GJC1: variants seen among roughly 807,000 people sequenced by gnomAD.
GJC1 encodes gap junction protein gamma 1, also known as gap junction gamma-1 protein.
A neutral mutation model predicts 29.3 loss-of-function variants in GJC1; 5 were observed. The ratio of observed to expected loss-of-function variants is 0.17; its 90% CI spans 0.09 to 0.36. GJC1 has a LOEUF of 0.36. Among genes scored for constraint, GJC1 ranks in the 10% least tolerant of loss-of-function variants. The probability of loss-of-function intolerance (pLI) is 1.00; values close to 1 mark genes in which losing one functional copy is unlikely to be tolerated. For missense variants in GJC1, 310 were observed against 496.2 expected (o/e 0.62, Z 3.56); for synonymous variants, 177 against 183.3 (o/e 0.97, Z 0.28).
chr17:44,821,370 C>T (rs1008467904), intron 1 of GJC1, among the ~76,000 whole-genome samples: 6 of 152,098 alleles, frequency 3.9e-5, no homozygotes, highest in Admixed American at 6.6e-5. Context: ...AATATGACTA[C>T]GTTTATGATA....
rs1447638625 is a variant in GJC1, at chr17:44,802,556, A to G, written c.*2071T>C. The G allele has an allele frequency of 6.6e-6, 1 of 152,174 alleles. No homozygotes were observed. Among genetic ancestry groups the G allele is most frequent in the Non-Finnish European group, 1.5e-5 (1 of 68,032 alleles). The allele number at this position is 152,174 out of a possible 1,614,324, so 9.4% of individuals were successfully genotyped here. ...TTAATTACCCATGAGGTACATGTGTATTTCTGAAATTTCTCCTTCAGTCTC... is the reference window on the plus strand; with the variant it reads ...TTAATTACCCATGAGGTACATGTGTGTTTCTGAAATTTCTCCTTCAGTCTC... On this transcript the variant is annotated 3_prime_UTR_variant, in exon 3 of 3. Coordinates refer to ENST00000592524, the MANE Select transcript of GJC1 (RefSeq NM_005497.4).
At chr17:44,811,241 C>T (rs1358463062) in intron 1 of GJC1, among the ~76,000 whole-genome samples, 1 of 151,954 alleles carries the variant, frequency 6.6e-6, no homozygotes, top group African/African-American at 2.4e-5. Context: ...GCCACCACAC[C>T]CAGCTAATTT....
chr17:44,828,938 G>A (rs984304007), intron 1 of GJC1, among the ~76,000 whole-genome samples: 1 of 151,570 alleles, frequency 6.6e-6, no homozygotes, highest in Non-Finnish European at 1.5e-5. Context: ...TGCTTATCAG[G>A]AAATTAAAAT....
intron 1 of GJC1, among the ~76,000 whole-genome samples, chr17:44,811,394 T>TC (rs1178465003): frequency 2.7e-5 from 4 of 146,410 alleles, no homozygotes; most frequent in South Asian, 2.1e-4. Flanking sequence ...TTTTCTTTTT[T>TC]TTTTTTTTTT....
chr17:44,825,344 G>A (rs762061924), intron 1 of GJC1, among the ~76,000 whole-genome samples: 5 of 151,806 alleles, frequency 3.3e-5, no homozygotes, highest in African/African-American at 7.3e-5. Flanking sequence ...TACAAAATTA[G>A]CTGGGCATGG....
chr17:44,818,064 T>C (rs2145346828), intron 1 of GJC1, among the ~76,000 whole-genome samples: 1 of 151,820 alleles, frequency 6.6e-6, no homozygotes, highest in African/African-American at 2.4e-5. Flanking sequence ...AATAGAAAAA[T>C]TAGCCAGGCG....
chr17:44,810,185 G>A (rs977151577), intron 1 of GJC1, among the ~76,000 whole-genome samples: 3 of 151,446 alleles, frequency 2.0e-5, no homozygotes, highest in Non-Finnish European at 2.9e-5. Flanking sequence ...TAGTAGAGAC[G>A]AGGTTATCAC....
downstream of GJC1, among the ~76,000 whole-genome samples, chr17:44,795,438 TG>T (rs959926070): frequency 1.3e-5 from 2 of 152,222 alleles, no homozygotes; most frequent in African/African-American, 4.8e-5. Flanking sequence ...TTCACCATCT[TG>T]GCCAGGCTGG....
At chr17:44,815,559 C>T (rs921067544) in intron 1 of GJC1, among the ~76,000 whole-genome samples, 1 of 152,126 alleles carries the variant, frequency 6.6e-6, no homozygotes, top group Non-Finnish European at 1.5e-5. Context: ...TGTCATTATG[C>T]TCCTTTACTA....
intron 1 of GJC1, among the ~76,000 whole-genome samples, chr17:44,820,480 T>C (rs2050094796): frequency 6.6e-6 from 1 of 152,172 alleles, no homozygotes; most frequent in South Asian, 2.1e-4. Context: ...TTCACCAAAC[T>C]GACAAATTAT....
At chr17:44,831,073 G>T (rs1163555048), upstream of GJC1, among the ~76,000 whole-genome samples, 1 of 152,194 alleles carries the variant, frequency 6.6e-6, no homozygotes, top group East Asian at 1.9e-4. Flanking sequence ...CTGAGCATCA[G>T]AATGCCGATG....
rs1346482393 is a variant in GJC1, at chr17:44,830,228, C to CCCGCCGCTG, written c.-272_-264dup. 441 of 159,024 alleles carry CCCGCCGCTG rather than the reference C, an allele frequency of 2.8e-3. 2 individuals carry two copies. The highest frequency in any genetic ancestry group is 6.3e-3 in the Middle Eastern group (2 of 320). 9.9% of individuals were successfully genotyped at this position (159,024 alleles called of 1,614,324 possible). ...GTCTCCAGCCGAGGCAGAAGCCGCT[C>CCCGCCGCTG]CCGCCGCTGCCGCCGCCGCCGCCGC... On this transcript the variant is annotated 5_prime_UTR_variant, in exon 1 of 3. Transcript: ENST00000592524. The surrounding 1 kb of genome is among the most constrained non-coding windows in gnomAD (Gnocchi z 4.3).
chr17:44,805,431 T>C lies in GJC1; in HGVS notation c.387A>G (p.Glu129=). 1 of 1,614,198 alleles carries C rather than the reference T, an allele frequency of 6.2e-7. No individual in the cohort carries two copies. The highest frequency in any genetic ancestry group is 8.5e-7 in the Non-Finnish European group (1 of 1,180,028). ...GATCCTCTTCGTTGTCCTCCTCCGT[T>C]TCTTCCAGAGCCCGGTGTTGTTTCC... ...MRWKQHRALE[E]TEEDNEEDPM... The change falls in exon 3 of 3, where the codon GAA becomes GAG. Residue 129 remains glutamate (E), a synonymous_variant. Transcript: ENST00000592524. This position sits in a 1 kb window ranked among gnomAD's most constrained non-coding sequence, Gnocchi z 5.1.
downstream of GJC1, among the ~76,000 whole-genome samples, chr17:44,797,093 T>C (rs539218647): frequency 2.6e-4 from 40 of 152,000 alleles, no homozygotes; most frequent in African/African-American, 9.2e-4. Context: ...TCTCTCTCTG[T>C]TATATATATT....
At chr17:44,816,973 G>A (rs181211871) in intron 1 of GJC1, among the ~76,000 whole-genome samples, 87 of 152,174 alleles carry the variant, frequency 5.7e-4, no homozygotes, top group African/African-American at 2.0e-3. Context: ...CACTTTGGGA[G>A]GCCAAGGCGG....
rs1459121867 is a variant in GJC1 at position 44,800,062 on chromosome 17, A to G, written c.*4565T>C. On this transcript the variant is annotated 3_prime_UTR_variant, in exon 3 of 3. Coordinates refer to ENST00000592524, the MANE Select transcript of GJC1 (RefSeq NM_005497.4). Reference sequence around the variant, plus strand: ...GACTGTGAATTATTACATATTTATTACACATAAATGAGTTTAAATTTTATT... The same window carrying G: ...GACTGTGAATTATTACATATTTATTGCACATAAATGAGTTTAAATTTTATT... The G allele has an allele frequency of 6.6e-6, 1 of 152,218 alleles. No individual in the cohort carries two copies. The highest frequency in any genetic ancestry group is 1.5e-5 in the Non-Finnish European group (1 of 68,040). 9.4% of individuals were successfully genotyped at this position (152,218 alleles called of 1,614,324 possible).
intron 1 of GJC1, among the ~76,000 whole-genome samples, chr17:44,817,834 G>T (rs867084375): frequency 4.0e-5 from 6 of 151,882 alleles, no homozygotes; most frequent in Admixed American, 1.3e-4. Context: ...TTGACCACTC[G>T]CTAGTAAAGA....
chr17:44,794,394 T>G (rs1160462399), downstream of GJC1: 1 of 152,222 alleles, frequency 6.6e-6, no homozygotes, highest in Non-Finnish European at 1.5e-5. Flanking sequence ...CAGTTAAAAG[T>G]GTCTTCAGTT....
chr17:44,813,789 G>A lies in GJC1; in HGVS notation c.-96-6320C>T, dbSNP rs544917660. On this transcript the variant is annotated intron_variant, in intron 1 of 2. Coordinates refer to ENST00000592524, the MANE Select transcript of GJC1 (RefSeq NM_005497.4). ...ATTACAGGCGTGAGTCACCACGCCC[G>A]GCCACAAGTTACCCATTCTTACTCT... 6.6e-5 allele frequency among the ~76,000 whole-genome samples: 10 copies of A among 151,772 alleles called. No homozygotes were observed. The South Asian group carries it at 8.3e-4, about 13-fold the overall frequency.
Sources: allele counts gnomAD v4.1 joint callset (sites outside exome capture counted in the v4.1 genomes callset), GRCh38; gene constraint gnomAD v4.1.1; non-coding constraint Gnocchi (gnomAD v3.1); transcripts MANE v1.5; gene names NCBI Gene and HGNC (gene_info 2026-07-23, HGNC 2026-07-21).